The following CLASRP variants were observed in gnomAD, a reference collection of about 807,000 sequenced individuals.
CLASRP encodes the protein CLK4-associating serine/arginine rich protein.
CLASRP carries 52 observed loss-of-function variants against 99.9 expected under a neutral mutation model. The ratio of observed to expected loss-of-function variants is 0.52; its 90% CI spans 0.42 to 0.66. The LOEUF (loss-of-function observed/expected upper bound fraction) is 0.66. Among genes scored for constraint, CLASRP ranks in the 30% least tolerant of loss-of-function variants. The pLI, the probability that CLASRP is intolerant of heterozygous loss-of-function variation, is 0.00. For synonymous variants in CLASRP, 379 were observed against 373.0 expected (o/e 1.02, Z -0.18); for missense variants, 848 against 999.2 (o/e 0.85, Z 2.04).
intron 7 of CLASRP, chr19:45,058,104 C>A: frequency 1.6e-6 from 1 of 621,634 alleles, no homozygotes; most frequent in Non-Finnish European, 2.8e-6. Context: ...TCTCTCATTT[C>A]TAGGGTGCTA....
intron 2 of CLASRP, among the ~76,000 whole-genome samples, chr19:45,050,667 G>A (rs757677378): frequency 4.6e-5 from 7 of 152,084 alleles, no homozygotes; most frequent in Non-Finnish European, 5.9e-5. Flanking sequence ...TGAAGATCCT[G>A]ATTTCTCTAT....
At chr19:45,043,667 A>G (rs898721428) in intron 2 of CLASRP, among the ~76,000 whole-genome samples, 3 of 152,006 alleles carry the variant, frequency 2.0e-5, no homozygotes, top group African/African-American at 7.2e-5. Flanking sequence ...CACCTGTGAG[A>G]CAGAGACCGC....
chr19:45,052,962 A>G (rs2122557349), intron 4 of CLASRP, 70 bp downstream of exon 4: 1 of 1,521,680 alleles, frequency 6.6e-7, no homozygotes. Flanking sequence ...TTCCCAGCCT[A>G]CCTGTCACCT....
intron 5 of CLASRP, among the ~76,000 whole-genome samples, chr19:45,054,536 A>T (rs2122561878): frequency 6.6e-6 from 1 of 152,322 alleles, no homozygotes; most frequent in Non-Finnish European, 1.5e-5. Flanking sequence ...GGCGTGAGCC[A>T]CCGCGCCTGG....
At chr19:45,048,131 AT>A (rs1971955650) in intron 2 of CLASRP, among the ~76,000 whole-genome samples, 1 of 152,032 alleles carries the variant, frequency 6.6e-6, no homozygotes, top group Non-Finnish European at 1.5e-5. Context: ...AAAGAAGCAG[AT>A]TTTGTAGTCA....
At chr19:45,050,152 G>A (rs985343247) in intron 2 of CLASRP, among the ~76,000 whole-genome samples, 15 of 134,098 alleles carry the variant, frequency 1.1e-4, no homozygotes, top group Non-Finnish European at 1.7e-4. Context: ...GGGGAGGGAA[G>A]AAATCAGAGA....
chr19:45,057,864 C>G lies in CLASRP; in HGVS notation c.579C>G (p.Ser193Arg). ...AGGAGTCAGCGGCCGAGGAGGAGAG[C>G]AACTCGGACGAAGATGAGGTCATCC... ...EEEESAAEEE[S>R]NSDEDEVIPD... The change falls in exon 7 of 21, where the codon AGC becomes AGG. Residue 193 changes from serine to arginine, a missense_variant. By Grantham distance (110) the Ser-to-Arg change is moderately radical. Coordinates refer to ENST00000221455, the MANE Select transcript of CLASRP (RefSeq NM_007056.3). 6.2e-7 allele frequency: 1 copy of G among 1,614,008 alleles called. No individual in the cohort carries two copies. Among genetic ancestry groups the G allele is most frequent in the Non-Finnish European group, 8.5e-7 (1 of 1,179,946 alleles).
intron 10 of CLASRP, 87 bp from the exon 11 acceptor site, chr19:45,062,067 G>T: frequency 2.4e-6 from 2 of 846,216 alleles, no homozygotes; most frequent in South Asian, 2.8e-5. Flanking sequence ...CCTAGCTTTG[G>T]GTCCTCAGGT....
chr19:45,065,908 T>TA (rs1299251213), intron 13 of CLASRP, among the ~76,000 whole-genome samples: 21 of 152,214 alleles, frequency 1.4e-4, no homozygotes, highest in Non-Finnish European at 2.9e-4. Context: ...TCAGCATCAT[T>TA]ACCTGCGTTA....
intron 15 of CLASRP, 128 bp from the exon 16 acceptor site, chr19:45,068,292 C>T (rs1270470396): frequency 1.5e-6 from 1 of 670,092 alleles, no homozygotes; most frequent in Admixed American, 2.2e-5. Context: ...ACAGCCTGCC[C>T]CTCCTCCCCA....
Position 45,053,170 on chromosome 19 carries a change from T to C in CLASRP, c.372T>C (p.Phe124=). ...ERYRGLVQND[F]AGISEEQCLY... is the part of the protein sequence containing the mutation. ...ACAGAGGCCTGGTGCAGAACGACTT[T>C]GCCGGCAGTGAGTGATCTGTGGGGG... Residue 124 remains phenylalanine (F), a synonymous_variant, in exon 5 of 21, where the codon TTT becomes TTC. Coordinates refer to ENST00000221455, the MANE Select transcript of CLASRP (RefSeq NM_007056.3). 6.2e-7 allele frequency: 1 copy of C among 1,613,714 alleles called. No homozygotes were observed.
chr19:45,060,683 G>A lies in CLASRP; in HGVS notation c.863+56G>A, dbSNP rs1017497067. On this transcript the variant is annotated intron_variant, in intron 10 of 20. Coordinates refer to ENST00000221455, the MANE Select transcript of CLASRP (RefSeq NM_007056.3). The surrounding 1 kb of genome is among the most constrained non-coding windows in gnomAD (Gnocchi z 4.6). Reference sequence around the variant, plus strand: ...TGGCATCTGGGGGAGGAGAGCAGGGGCTTAGGGCCTGAGAAAGCTCTTTGG... The same window carrying A: ...TGGCATCTGGGGGAGGAGAGCAGGGACTTAGGGCCTGAGAAAGCTCTTTGG... 24 of 1,369,524 alleles carry A rather than the reference G, an allele frequency of 1.8e-5. No individual in the cohort carries two copies. The highest frequency in any genetic ancestry group is 4.9e-5 in the East Asian group (2 of 40,488). The allele number at this position is 1,369,524 out of a possible 1,614,324, so 84.8% of individuals were successfully genotyped here.
At chr19:45,064,296 C>A in intron 12 of CLASRP, 47 bp from the exon 13 acceptor site, 1 of 1,507,168 alleles carries the variant, frequency 6.6e-7, no homozygotes, top group Non-Finnish European at 8.8e-7. Context: ...CAGAGGGGGG[C>A]CGCGGCTCAG....
intron 13 of CLASRP, among the ~76,000 whole-genome samples, chr19:45,066,794 T>C (rs1177209990): frequency 1.3e-5 from 2 of 151,904 alleles, no homozygotes; most frequent in Non-Finnish European, 2.9e-5. Context: ...GAGTGGGCAG[T>C]GGGTGGAGAG....
At position 45,053,000 on chromosome 19, in the gene CLASRP, G is replaced by A. The variant is rs1251688752; in HGVS notation, c.300-98G>A. The A allele has an allele frequency of 9.8e-6, 15 of 1,536,608 alleles. No homozygotes were observed. In the Admixed American group the frequency reaches 1.9e-4, roughly 19 times the overall value. On this transcript the variant is annotated intron_variant, in intron 4 of 20. Coordinates refer to ENST00000221455, the MANE Select transcript of CLASRP (RefSeq NM_007056.3). ...CTAGGAGCCGTTCCTATTTGGTACC[G>A]CCCTGAGCCTGAGGGGGATGCCTCA...
chr19:45,046,359 A>G (rs1246776183), intron 2 of CLASRP, among the ~76,000 whole-genome samples: 1 of 152,154 alleles, frequency 6.6e-6, no homozygotes, highest in Non-Finnish European at 1.5e-5. Flanking sequence ...GTCCTTGTCA[A>G]CTTTCCTTTT....
At chr19:45,058,805 A>T (rs1322903011) in intron 7 of CLASRP, among the ~76,000 whole-genome samples, 1 of 150,834 alleles carries the variant, frequency 6.6e-6, no homozygotes, top group Non-Finnish European at 1.5e-5. Flanking sequence ...CCTGCCTGCC[A>T]CCCACCGTGA....
At chr19:45,044,069 ACAGGGTTTCACCATATTGGC>A (rs1971867486) in intron 2 of CLASRP, among the ~76,000 whole-genome samples, 1 of 152,076 alleles carries the variant, frequency 6.6e-6, no homozygotes, top group African/African-American at 2.4e-5. Context: ...TTTAGTAGAG[ACAGGGTTTCACCATATTGGC>A]CAGGCTGGTC....
chr19:45,069,119 C>T lies in CLASRP; in HGVS notation c.1822C>T (p.Arg608Trp). The T allele has an allele frequency of 6.2e-7, 1 of 1,614,026 alleles. No homozygotes were observed. Among genetic ancestry groups the T allele is most frequent in the Non-Finnish European group, 8.5e-7 (1 of 1,179,980 alleles). Residue 608 changes from arginine to tryptophan, a missense_variant, in exon 17 of 21, where the codon CGG becomes TGG. Coordinates refer to ENST00000221455, the MANE Select transcript of CLASRP (RefSeq NM_007056.3). ...AAAGATGATCCAGCAGGAGCATGAG[C>T]GGCAGGTGAAGTGGGAAAGGGAGGG... ...QEKMIQQEHE[R>W]QEREDELRAM... is the part of the protein sequence containing the mutation.
Sources: gnomAD v4.1 joint callset for allele counts (sites outside exome capture counted in the v4.1 genomes callset) on GRCh38, gnomAD v4.1.1 for gene constraint, Gnocchi (gnomAD v3.1) non-coding constraint, MANE v1.5 for transcripts, NCBI Gene and HGNC (gene_info 2026-07-23, HGNC 2026-07-21) for gene names.